The following CRACD variants were observed in gnomAD, a reference collection of about 807,000 sequenced individuals.
CRACD encodes capping protein-inhibiting regulator of actin dynamics.
A neutral mutation model predicts 106.8 loss-of-function variants in CRACD; 56 were observed. The ratio of observed to expected loss-of-function variants is 0.52; its 90% confidence interval spans 0.42 to 0.66. CRACD has a LOEUF of 0.66. Among genes scored for constraint, CRACD ranks in the 30% least tolerant of loss-of-function variants. The probability of loss-of-function intolerance (pLI) is 0.00; values close to 1 mark genes in which losing one functional copy is unlikely to be tolerated. For synonymous variants in CRACD, 754 were observed against 670.8 expected (o/e 1.12, Z -1.92); for missense variants, 1,730 against 1,623.2 (o/e 1.07, Z -1.13).
chr4:56,159,991 G>A (rs113418853), intron 1 of CRACD, among the ~76,000 whole-genome samples: 61,661 of 151,330 alleles, frequency 0.41, 13,150 homozygotes, highest in African/African-American at 0.52. Context: ...ATGTTGGTCA[G>A]GCTGGTCTTG....
intron 1 of CRACD, among the ~76,000 whole-genome samples, chr4:56,126,627 A>G (rs1734668259): frequency 6.6e-6 from 1 of 152,182 alleles, no homozygotes; most frequent in Non-Finnish European, 1.5e-5. Flanking sequence ...GTAGTTCTTT[A>G]CTAATTTTGA....
intron 4 of CRACD, chr4:56,301,209 T>A: frequency 7.8e-7 from 1 of 1,286,622 alleles, no homozygotes; most frequent in Non-Finnish European, 1.0e-6. Flanking sequence ...CCAAAAAGAC[T>A]GTGCTTTATT....
chr4:56,225,201 C>T (rs548411067), intron 2 of CRACD, among the ~76,000 whole-genome samples: 2 of 152,296 alleles, frequency 1.3e-5, no homozygotes, highest in Admixed American at 6.5e-5. Context: ...AAGCAATTCT[C>T]CTGCCTCAGC....
chr4:56,194,173 A>G (rs1227488405), intron 2 of CRACD, among the ~76,000 whole-genome samples: 1 of 152,218 alleles, frequency 6.6e-6, no homozygotes, highest in Non-Finnish European at 1.5e-5. Context: ...AAAAGATTCT[A>G]TAAAAGAAAA....
chr4:56,107,271 G>A (rs1733980366), intron 1 of CRACD, among the ~76,000 whole-genome samples: 1 of 152,006 alleles, frequency 6.6e-6, no homozygotes. Context: ...GTGAGCCACC[G>A]GCGCCCAGCC....
At chr4:56,176,908 A>G (rs1736607820) in intron 1 of CRACD, among the ~76,000 whole-genome samples, 2 of 152,262 alleles carry the variant, frequency 1.3e-5, no homozygotes, top group Admixed American at 6.5e-5. Flanking sequence ...TTTGTATGTT[A>G]ATTTTGTATT....
chr4:56,174,683 TTGA>T (rs993459389), intron 1 of CRACD, among the ~76,000 whole-genome samples: 2 of 152,228 alleles, frequency 1.3e-5, no homozygotes, highest in African/African-American at 4.8e-5. Flanking sequence ...CATTCATCTG[TTGA>T]TGGACACTTA....
In CRACD at chr4:56,254,398, GTTT is replaced by G. The variant is rs34456577; in HGVS notation, c.-188-17912_-188-17910del. On this transcript the variant is annotated intron_variant, in intron 2 of 10. Transcript: ENST00000682029. ...TCTTTTAAAGCAGAGTTTTGTGGGGGTTTTTTTTTTTTTCTGTTCTCAGGTATC... is the reference window on the plus strand; with the variant it reads ...TCTTTTAAAGCAGAGTTTTGTGGGGGTTTTTTTTTTCTGTTCTCAGGTATC... Among the ~76,000 whole-genome samples the G allele has an allele frequency of 3.8e-4, 31 of 81,140 alleles. No individual in the cohort carries two copies. In the South Asian group the frequency reaches 4.2e-3, roughly 11 times the overall value. 53.2% of individuals were successfully genotyped at this position (81,140 alleles called of 152,430 possible).
At chr4:56,312,247 G>A (rs919058613) in intron 6 of CRACD, among the ~76,000 whole-genome samples, 5 of 152,042 alleles carry the variant, frequency 3.3e-5, no homozygotes, top group Admixed American at 6.6e-5. Flanking sequence ...TGCAACCTCC[G>A]CATCCTGGGT....
intron 3 of CRACD, among the ~76,000 whole-genome samples, chr4:56,288,024 G>A (rs866000786): frequency 3.0e-4 from 46 of 152,256 alleles, no homozygotes; most frequent in African/African-American, 1.1e-3. Flanking sequence ...CATGGTATTT[G>A]AACCTTCTTG....
intron 2 of CRACD, among the ~76,000 whole-genome samples, chr4:56,248,628 G>A (rs912053169): frequency 3.3e-5 from 5 of 150,174 alleles, no homozygotes; most frequent in African/African-American, 1.2e-4. Context: ...ACATTGTGCA[G>A]GTTAGTTACA....
intron 1 of CRACD, among the ~76,000 whole-genome samples, chr4:56,104,291 G>A (rs1560451778): frequency 6.6e-6 from 1 of 152,130 alleles, no homozygotes. Context: ...CTGTTTGGTG[G>A]GTGGAGGTGG....
At chr4:56,273,360 C>G (rs1363887170) in intron 3 of CRACD, among the ~76,000 whole-genome samples, 1 of 150,004 alleles carries the variant, frequency 6.7e-6, no homozygotes, top group African/African-American at 2.5e-5. Context: ...TCCCTCCCTC[C>G]CTCGTTTCTT....
rs934593902 is a variant in CRACD, at chr4:56,328,474, T to C, written c.*670T>C. ...GGGCCCTGTTATTCCAATACCCTCC[T>C]TAAGGACATGTGAAGCATTTGGCCC... On this transcript the variant is annotated 3_prime_UTR_variant, in exon 11 of 11. Coordinates refer to ENST00000682029, the MANE Select transcript of CRACD (RefSeq NM_001393381.1). The C allele has an allele frequency of 3.8e-5, 19 of 499,466 alleles. No individual in the cohort carries two copies. In the Admixed American group the frequency reaches 3.9e-4, roughly 10 times the overall value. The allele number at this position is 499,466 out of a possible 1,614,324, so 30.9% of individuals were successfully genotyped here.
chr4:56,070,769 C>A (rs1037788581), intron 1 of CRACD, among the ~76,000 whole-genome samples: 2 of 151,310 alleles, frequency 1.3e-5, no homozygotes, highest in African/African-American at 4.9e-5. Flanking sequence ...AGCCCCCCTG[C>A]CGTTTCTGTA....
chr4:56,090,013 C>T (rs1347307397), intron 1 of CRACD, among the ~76,000 whole-genome samples: 8 of 151,796 alleles, frequency 5.3e-5, no homozygotes, highest in Admixed American at 2.0e-4. Context: ...TTTGCTTAAC[C>T]AAAATATTCT....
chr4:56,295,658 AACAT>A (rs1743967402), intron 3 of CRACD, among the ~76,000 whole-genome samples: 1 of 109,780 alleles, frequency 9.1e-6, no homozygotes, highest in African/African-American at 3.6e-5. Flanking sequence ...GAAATTAGTA[AACAT>A]ATATATATAT....
intron 1 of CRACD, among the ~76,000 whole-genome samples, chr4:56,132,125 C>A (rs1734844260): frequency 6.6e-6 from 1 of 152,102 alleles, no homozygotes; most frequent in Non-Finnish European, 1.5e-5. Flanking sequence ...GCTCCTGTAA[C>A]CTTTACCTTC....
intron 3 of CRACD, among the ~76,000 whole-genome samples, chr4:56,294,840 G>A (rs1335091002): frequency 7.0e-6 from 1 of 143,444 alleles, no homozygotes; most frequent in African/African-American, 2.6e-5. Flanking sequence ...CTTGAACCCA[G>A]AAGGTGGAGG....
Sources: allele counts gnomAD v4.1 joint callset (sites outside exome capture counted in the v4.1 genomes callset), GRCh38; gene constraint gnomAD v4.1.1; transcripts MANE v1.5; gene names NCBI Gene and HGNC (gene_info 2026-07-23, HGNC 2026-07-21).